KYNU: variants seen among roughly 807,000 people sequenced by gnomAD.
KYNU encodes the protein kynureninase, also known as L-kynurenine hydrolase.
KYNU carries 54 observed loss-of-function variants against 59.2 expected under a neutral mutation model. That is an observed-to-expected ratio of 0.91 (90% CI 0.73 to 1.14). The LOEUF (loss-of-function observed/expected upper bound fraction) is 1.14, where lower values mean the gene tolerates loss of function less well. KYNU is among the 50% of genes most tolerant of loss of function. KYNU has a pLI of 0.00. For synonymous variants in KYNU, 177 were observed against 192.0 expected, an observed-to-expected ratio of 0.92 and a Z score of 0.65; for missense variants, 567 against 554.4, an observed-to-expected ratio of 1.02 and a Z score of -0.23.
chr2:143,042,252 T>A lies in KYNU; in HGVS notation c.*80T>A. 7.5e-7 allele frequency: 1 copy of A among 1,334,172 alleles called. No individual in the cohort carries two copies. The highest frequency in any genetic ancestry group is 1.1e-6 in the Non-Finnish European group (1 of 942,400). 82.6% of individuals were successfully genotyped at this position (1,334,172 alleles called of 1,614,324 possible). A position where few individuals can be genotyped will look rare whatever the true frequency, so the allele number is the denominator to read the frequency against. On this transcript the variant is annotated 3_prime_UTR_variant, in exon 14 of 14. Transcript: ENST00000264170. ...TCAGTATTATTCGATTTTTAATTATTGAAAGTATGTCACCATTGACCACAT... is the reference window on the plus strand; with the variant it reads ...TCAGTATTATTCGATTTTTAATTATAGAAAGTATGTCACCATTGACCACAT...
chr2:142,939,528 G>T (rs905277591), intron 4 of KYNU, among the ~76,000 whole-genome samples: 3 of 150,048 alleles, frequency 2.0e-5, no homozygotes, highest in Non-Finnish European at 4.4e-5. Flanking sequence ...CTTGAACCTG[G>T]GAGGTGGAGG....
At chr2:143,013,620 T>A (rs1468047530) in intron 10 of KYNU, among the ~76,000 whole-genome samples, 4 of 152,252 alleles carry the variant, frequency 2.6e-5, no homozygotes, top group African/African-American at 9.6e-5. Context: ...TGAATTTAAT[T>A]CTATCCTGAA....
At chr2:142,991,645 T>C (rs1685401478) in intron 10 of KYNU, among the ~76,000 whole-genome samples, 1 of 151,950 alleles carries the variant, frequency 6.6e-6, no homozygotes, top group African/African-American at 2.4e-5. Flanking sequence ...TACCGTTTTC[T>C]TTTGCTTCTG....
intron 10 of KYNU, among the ~76,000 whole-genome samples, chr2:142,991,658 C>G (rs779216730): frequency 7.2e-5 from 11 of 151,886 alleles, no homozygotes; most frequent in African/African-American, 1.9e-4. Context: ...TGCTTCTGCT[C>G]CAATGGATGT....
Position 142,943,975 on chromosome 2 carries a change from T to C in KYNU, c.374-10835T>C, listed in dbSNP as rs1344601598. On this transcript the variant is annotated intron_variant, in intron 4 of 13. Transcript: ENST00000264170. ...ACCCTCTTATCCAATGGTAAACAGCTTGGGGCCTTGTCATCCCCACTTTGC... is the reference window on the plus strand; with the variant it reads ...ACCCTCTTATCCAATGGTAAACAGCCTGGGGCCTTGTCATCCCCACTTTGC... Among the ~76,000 whole-genome samples, 5 of 152,194 alleles carry C rather than the reference T, an allele frequency of 3.3e-5. No homozygotes were observed. In the East Asian group the frequency reaches 9.6e-4, roughly 29 times the overall value.
At chr2:143,013,447 T>G (rs762977696) in intron 10 of KYNU, among the ~76,000 whole-genome samples, 1 of 152,192 alleles carries the variant, frequency 6.6e-6, no homozygotes, top group Non-Finnish European at 1.5e-5. Context: ...TGATTTCATT[T>G]CCTTTGGGTA....
intron 10 of KYNU, among the ~76,000 whole-genome samples, chr2:142,992,562 G>T (rs1203486803): frequency 3.3e-5 from 5 of 151,588 alleles, no homozygotes; most frequent in Non-Finnish European, 7.4e-5. Context: ...TATTTAAGTG[G>T]TTTTTTCATA....
chr2:142,891,364 T>C lies in KYNU; in HGVS notation c.169+5828T>C, dbSNP rs146224865. ...AAGATTATTAACTCAAAGAATTTTT[T>C]TACTATTAAACTATATTTGGAGAAA... On this transcript the variant is annotated intron_variant, in intron 2 of 13. Transcript: ENST00000264170. 4.4e-3 allele frequency among the ~76,000 whole-genome samples: 677 copies of C among 152,304 alleles called. 6 individuals are homozygous for C. Among genetic ancestry groups the C allele is most frequent in the African/African-American group, 0.015 (633 of 41,552 alleles).
intron 12 of KYNU, among the ~76,000 whole-genome samples, chr2:143,037,283 T>C (rs958056917): frequency 2.6e-5 from 4 of 152,210 alleles, no homozygotes; most frequent in Admixed American, 2.0e-4. Flanking sequence ...AGTAAGATGT[T>C]TGGACAAGAT....
chr2:142,946,077 T>A lies in KYNU; in HGVS notation c.374-8733T>A, dbSNP rs527394924. Reference sequence around the variant, plus strand: ...TTTTAACTTTAATTTTTGTATTTTGTTTTTTATTTTTATTTTTTATTTTTG... The same window carrying A: ...TTTTAACTTTAATTTTTGTATTTTGATTTTTATTTTTATTTTTTATTTTTG... On this transcript the variant is annotated intron_variant, in intron 4 of 13. Transcript: ENST00000264170. Among the ~76,000 whole-genome samples the A allele has an allele frequency of 7.6e-3, 1,159 of 151,680 alleles. 7 individuals carry two copies. The highest frequency in any genetic ancestry group is 0.027 in the African/African-American group (1,110 of 41,234).
intron 2 of KYNU, among the ~76,000 whole-genome samples, chr2:142,918,384 A>G (rs1682744264): frequency 2.6e-5 from 4 of 152,178 alleles, no homozygotes; most frequent in Non-Finnish European, 4.4e-5. Flanking sequence ...CACAGTAAAT[A>G]TGAGAGATCC....
intron 10 of KYNU, among the ~76,000 whole-genome samples, chr2:143,012,551 T>C (rs1686140190): frequency 6.6e-6 from 1 of 151,936 alleles, no homozygotes; most frequent in Non-Finnish European, 1.5e-5. Context: ...CCATGTGTCA[T>C]TTCCCATAAT....
In KYNU at chr2:143,047,266, C is replaced by T. The variant is rs1057120400; in HGVS notation, c.*5094C>T. 2 of 152,080 alleles carry T rather than the reference C, an allele frequency of 1.3e-5. No homozygotes were observed. The highest frequency in any genetic ancestry group is 2.9e-5 in the Non-Finnish European group (2 of 68,016). 9.4% of individuals were successfully genotyped at this position (152,080 alleles called of 1,614,324 possible). On this transcript the variant is annotated 3_prime_UTR_variant, in exon 14 of 14. Transcript: ENST00000264170. ...GTTAAGTTAAAAAAAGTTGTAGAAA[C>T]AGTGTTTTGCTACATTTCCCAGGCT... is the stretch of plus-strand genomic sequence containing the variant.
chr2:143,003,286 G>A (rs1332890708), intron 10 of KYNU, among the ~76,000 whole-genome samples: 2 of 142,756 alleles, frequency 1.4e-5, no homozygotes, highest in South Asian at 4.4e-4. Context: ...CTTTACAGCT[G>A]GGGGGGGTGG....
In KYNU at chr2:142,881,909, C is replaced by CTTTTTTTT. The variant is rs1222437103; in HGVS notation, c.-19-3434_-19-3433insTTTTTTTT. On this transcript the variant is annotated intron_variant, in intron 1 of 13. Transcript: ENST00000264170. ...TGCCAGCACACCTGGCTTTTCTTTT[C>CTTTTTTTT]TTTTTTCTTTTTTTTTTTTTTTTTT... Among the ~76,000 whole-genome samples the CTTTTTTTT allele has an allele frequency of 1.8e-4, 23 of 124,648 alleles. 1 individual carries two copies. Among genetic ancestry groups the CTTTTTTTT allele is most frequent in the African/African-American group, 7.0e-4 (21 of 30,164 alleles). 81.8% of individuals were successfully genotyped at this position (124,648 alleles called of 152,430 possible). A position where few individuals can be genotyped will look rare whatever the true frequency, so the allele number is the denominator to read the frequency against.
chr2:143,034,985 A>G (rs1390423980), intron 12 of KYNU, among the ~76,000 whole-genome samples: 1 of 152,172 alleles, frequency 6.6e-6, no homozygotes. Flanking sequence ...CTTTTCTAGT[A>G]GTATTCACCC....
At position 142,998,677 on chromosome 2, in the gene KYNU, C is replaced by T. The variant is rs144490331; in HGVS notation, c.902+12656C>T. Among the ~76,000 whole-genome samples, 3 of 152,072 alleles carry T rather than the reference C, an allele frequency of 2.0e-5. No homozygotes were observed. In the East Asian group the frequency reaches 5.8e-4, roughly 30 times the overall value. The stretch of plus-strand genomic sequence containing the variant: ...AAAAGAATAGAGAAGGTCAAAAGAA[C>T]ATTTGTTTGAGGGAGTGGACATTGT... On this transcript the variant is annotated intron_variant, in intron 10 of 13. Coordinates refer to ENST00000264170, the MANE Select transcript of KYNU (RefSeq NM_003937.3).
intron 2 of KYNU, among the ~76,000 whole-genome samples, chr2:142,896,437 T>C (rs1318616154): frequency 6.6e-6 from 1 of 152,262 alleles, no homozygotes; most frequent in African/African-American, 2.4e-5. Context: ...CCATCCATGC[T>C]CTAGAGAAAT....
chr2:142,956,398 C>A, intron 6 of KYNU, 124 bp downstream of exon 6: 2 of 635,972 alleles, frequency 3.1e-6, no homozygotes, highest in Non-Finnish European at 5.5e-6. Flanking sequence ...AAAGATCTGT[C>A]AAATGCTTTT....
Sources: allele counts gnomAD v4.1 joint callset (sites outside exome capture counted in the v4.1 genomes callset), GRCh38; gene constraint gnomAD v4.1.1; transcripts MANE v1.5; gene names NCBI Gene and HGNC (gene_info 2026-07-23, HGNC 2026-07-21).